The following TCOF1 variants were observed in gnomAD, a reference collection of about 807,000 sequenced individuals.
TCOF1 encodes the protein treacle protein.
TCOF1 carries 33 observed loss-of-function variants against 149.0 expected under a neutral mutation model. That is an observed-to-expected ratio of 0.22 (90% CI 0.17 to 0.30). TCOF1 has a LOEUF of 0.30. Ranked by LOEUF, TCOF1 falls within the 10% of genes least tolerant of loss-of-function variation. TCOF1 has a pLI of 1.00. For synonymous variants in TCOF1, 789 were observed against 738.8 expected (o/e 1.07, Z -1.10); for missense variants, 1,728 against 1,840.7 (o/e 0.94, Z 1.12).
At chr5:150,396,139 A>G (rs1270772126) in intron 23 of TCOF1, 143 bp from the exon 24 acceptor site, 1 of 906,528 alleles carries the variant, frequency 1.1e-6, no homozygotes, top group African/African-American at 1.6e-5. Flanking sequence ...GCTGGGGCAG[A>G]GTGACCGCCA....
At chr5:150,398,320 CTGT>C (rs763591196) in intron 24 of TCOF1, 31 bp from the exon 25 acceptor site, 2 of 1,612,404 alleles carry the variant, frequency 1.2e-6, no homozygotes, top group African/African-American at 2.7e-5. Context: ...GGATTACCAT[CTGT>C]TGTTCAGGAA....
Position 150,396,494 on chromosome 5 carries a change from G to C in TCOF1, c.3997G>C (p.Asp1333His). 1 of 1,613,492 alleles carries C rather than the reference G, an allele frequency of 6.2e-7. No individual in the cohort carries two copies. Among genetic ancestry groups the C allele is most frequent in the Non-Finnish European group, 8.5e-7 (1 of 1,179,812 alleles). Reference sequence around the variant, plus strand: ...GGAACAGGAAAGAAAGAAGGTGGTGGACACCACCAAGGAGAGCAGCAGGAA... The same window carrying C: ...GGAACAGGAAAGAAAGAAGGTGGTGCACACCACCAAGGAGAGCAGCAGGAA... Reference protein sequence around the residue: ...LLEQERKKVVDTTKESSRKGW... With the variant: ...LLEQERKKVVHTTKESSRKGW... Residue 1333 changes from aspartate to histidine, a missense_variant, in exon 24 of 27, where the codon GAC (aspartate) becomes CAC (histidine). Transcript: ENST00000643257.
chr5:150,399,441 C>T (rs1320844535), intron 26 of TCOF1, among the ~76,000 whole-genome samples: 1 of 152,078 alleles, frequency 6.6e-6, no homozygotes, highest in Admixed American at 6.5e-5. Context: ...GGGGGCATTT[C>T]CTTTTGGGAA....
At chr5:150,391,761 T>G in intron 20 of TCOF1, 104 bp downstream of exon 20, 2 of 1,263,748 alleles carry the variant, frequency 1.6e-6, no homozygotes, top group Admixed American at 2.0e-5. Flanking sequence ...ACCTCTGCAC[T>G]TGGTTTGCCT....
At chr5:150,383,697 C>G in intron 17 of TCOF1, 1 of 1,547,318 alleles carries the variant, frequency 6.5e-7, no homozygotes. Flanking sequence ...GGTCCAAACG[C>G]TGGTCCCCTG....
intron 17 of TCOF1, among the ~76,000 whole-genome samples, chr5:150,386,828 C>T (rs927120837): frequency 6.6e-6 from 1 of 152,234 alleles, no homozygotes; most frequent in African/African-American, 2.4e-5. Flanking sequence ...GAGATGCCCT[C>T]GTGTGCGGTG....
intron 17 of TCOF1, chr5:150,383,035 G>T: frequency 6.6e-7 from 1 of 1,515,412 alleles, no homozygotes; most frequent in South Asian, 1.2e-5. Flanking sequence ...CCCCGACCAC[G>T]TGCTTATCCA....
intron 17 of TCOF1, among the ~76,000 whole-genome samples, chr5:150,386,785 G>C (rs377365403): frequency 1.3e-5 from 2 of 152,226 alleles, no homozygotes; most frequent in African/African-American, 4.8e-5. Flanking sequence ...GTGTGTTCTC[G>C]TTAGCTGGAG....
chr5:150,374,918 C>G (rs1389642888), intron 9 of TCOF1, 36 bp from the exon 10 acceptor site: 2 of 1,613,860 alleles, frequency 1.2e-6, no homozygotes, highest in Non-Finnish European at 1.7e-6. Flanking sequence ...CACGTCCACC[C>G]TCTGGGCTCT....
intron 7 of TCOF1, among the ~76,000 whole-genome samples, chr5:150,372,668 A>G (rs1184673446): frequency 3.9e-5 from 6 of 152,184 alleles, no homozygotes; most frequent in Admixed American, 3.9e-4. Context: ...CTGGAAAGCA[A>G]TGGAAGTCAG....
chr5:150,397,065 A>C lies in TCOF1; in HGVS notation c.4345+223A>C, dbSNP rs191495968. On this transcript the variant is annotated intron_variant, in intron 24 of 26. Transcript: ENST00000643257. ...TCTCAGCTACATGGGAGGCTGAGGC[A>C]GGAGAATTGTTTGAACCCGGGAGGC... Among the ~76,000 whole-genome samples the C allele has an allele frequency of 0.026, 3,948 of 149,604 alleles. 110 individuals carry two copies. The highest frequency in any genetic ancestry group is 0.037 in the Non-Finnish European group (2,500 of 67,538).
chr5:150,358,689 T>C (rs557777154), intron 1 of TCOF1, among the ~76,000 whole-genome samples: 1 of 151,950 alleles, frequency 6.6e-6, no homozygotes, highest in South Asian at 2.1e-4. Context: ...ATACAAAAAT[T>C]AGCTGGGCAT....
rs1412388888 is a variant in TCOF1 at position 150,379,377 on chromosome 5, A to AG, written c.2627_2628insG (p.Asp876GlufsTer3). On this transcript the variant is annotated frameshift_variant, in exon 16 of 27. Coordinates refer to ENST00000643257, the MANE Select transcript of TCOF1 (RefSeq NM_001371623.1). LOFTEE classifies it high-confidence loss of function. ...TCAGGGAGCAGTGAGGAGGAGTCAG[A>AG]CAGTGAGGAGGAGGCGGAGACGCTG... 1.5e-5 allele frequency: 24 copies of AG among 1,614,108 alleles called. No homozygotes were observed. The South Asian group carries it at 2.2e-4, about 15-fold the overall frequency.
At chr5:150,383,589 A>C in intron 17 of TCOF1, 1 of 841,324 alleles carries the variant, frequency 1.2e-6, no homozygotes, top group Non-Finnish European at 1.9e-6. Context: ...AACTGTGAGA[A>C]GGGCAGGGAG....
chr5:150,375,969 C>A, intron 12 of TCOF1, 60 bp downstream of exon 12: 1 of 1,613,860 alleles, frequency 6.2e-7, no homozygotes, highest in South Asian at 1.1e-5. Flanking sequence ...AGTCAGCACC[C>A]CCGGGGAGCT....
At chr5:150,363,535 A>T (rs1760645069) in intron 2 of TCOF1, among the ~76,000 whole-genome samples, 1 of 152,222 alleles carries the variant, frequency 6.6e-6, no homozygotes, top group African/African-American at 2.4e-5. Flanking sequence ...CACTGAGGAT[A>T]CTGTAGTGAG....
intron 26 of TCOF1, among the ~76,000 whole-genome samples, chr5:150,399,322 G>C (rs1440853761): frequency 6.6e-6 from 1 of 152,232 alleles, no homozygotes; most frequent in African/African-American, 2.4e-5. Context: ...GGTTGTGCAT[G>C]CTTTAGGGGG....
At position 150,396,262 on chromosome 5, in the gene TCOF1, C is replaced by T. The variant is rs1768488616; in HGVS notation, c.3785-20C>T. ...CCCCCAACTCTCCCAGATCTGTGACCCCACATTCTCTCTCCATAGGTGGAA... is the reference window on the plus strand; with the variant it reads ...CCCCCAACTCTCCCAGATCTGTGACTCCACATTCTCTCTCCATAGGTGGAA... On this transcript the variant is annotated intron_variant, in intron 23 of 26. Coordinates refer to ENST00000643257, the MANE Select transcript of TCOF1 (RefSeq NM_001371623.1). The T allele has an allele frequency of 1.2e-6, 2 of 1,613,704 alleles. No homozygotes were observed. Among genetic ancestry groups the T allele is most frequent in the African/African-American group, 2.7e-5 (2 of 74,922 alleles).
intron 19 of TCOF1, among the ~76,000 whole-genome samples, chr5:150,391,201 A>G (rs1373182031): frequency 1.3e-5 from 2 of 152,198 alleles, no homozygotes; most frequent in East Asian, 3.9e-4. Flanking sequence ...GCTCTCAGCA[A>G]GGGGTCATGC....
Sources: allele counts gnomAD v4.1 joint callset (sites outside exome capture counted in the v4.1 genomes callset), GRCh38; gene constraint gnomAD v4.1.1; transcripts MANE v1.5; gene names NCBI Gene and HGNC (gene_info 2026-07-23, HGNC 2026-07-21).